The following CHST9 variants were observed in gnomAD, a reference collection of about 807,000 sequenced individuals.
CHST9 encodes GalNAc-4-sulfotransferase 2.
In CHST9, 41 loss-of-function variants were observed where a neutral mutation model predicts 44.4. That is an observed-to-expected ratio of 0.92 (90% CI 0.72 to 1.20). CHST9 has a LOEUF of 1.20. Ranked by LOEUF, CHST9 falls within the 50% of genes most tolerant of loss-of-function variation. The probability of loss-of-function intolerance (pLI) is 0.00; values close to 1 mark genes in which losing one functional copy is unlikely to be tolerated. For synonymous variants in CHST9, 171 were observed against 178.4 expected, an observed-to-expected ratio of 0.96 and a Z score of 0.33; for missense variants, 504 against 516.5, an observed-to-expected ratio of 0.98 and a Z score of 0.23.
chr18:27,170,103 G>A (rs2058822991), intron 1 of CHST9, among the ~76,000 whole-genome samples: 1 of 152,180 alleles, frequency 6.6e-6, no homozygotes, highest in South Asian at 2.1e-4. Flanking sequence ...GAGAGAGAAT[G>A]AGAGGAGAAC....
At chr18:26,926,307 T>C (rs1355406431) in intron 5 of CHST9, among the ~76,000 whole-genome samples, 1 of 152,230 alleles carries the variant, frequency 6.6e-6, no homozygotes. Flanking sequence ...CTTTCCATTT[T>C]TGGATTTAAT....
chr18:27,183,227 G>A (rs901681151), intron 1 of CHST9, among the ~76,000 whole-genome samples: 1 of 152,166 alleles, frequency 6.6e-6, no homozygotes, highest in African/African-American at 2.4e-5. Flanking sequence ...AAGAAGCAGA[G>A]CTTATGGTGT....
rs1000416683 is a variant in CHST9 at position 26,909,432 on chromosome 18, A to G, written c.*6827T>C. ...GTCTGGGAATATGTTTTTAACAAAA[A>G]TTAGGTTAATTCTGATACAGGTCGT... On this transcript the variant is annotated 3_prime_UTR_variant, in exon 6 of 6. Coordinates refer to ENST00000618847, the MANE Select transcript of CHST9 (RefSeq NM_031422.6). 6.6e-6 allele frequency: 1 copy of G among 152,194 alleles called. No individual in the cohort carries two copies. Among genetic ancestry groups the G allele is most frequent in the Non-Finnish European group, 1.5e-5 (1 of 68,036 alleles). The allele number at this position is 152,194 out of a possible 1,614,324, so 9.4% of individuals were successfully genotyped here. A position where few individuals can be genotyped will look rare whatever the true frequency, so the allele number is the denominator to read the frequency against.
intron 2 of CHST9, among the ~76,000 whole-genome samples, chr18:27,129,572 T>C (rs892551655): frequency 1.3e-5 from 2 of 151,986 alleles, no homozygotes; most frequent in Admixed American, 6.6e-5. Context: ...TTTGTATTTT[T>C]AGTAGAGATG....
intron 2 of CHST9, among the ~76,000 whole-genome samples, chr18:27,053,138 A>AAGAAGAAGAAGAAGG (rs2057591480): frequency 9.1e-6 from 1 of 109,368 alleles, no homozygotes; most frequent in African/African-American, 3.7e-5. Flanking sequence ...GAGGAAGAAG[A>AAGAAGAAGAAGAAGG]AGAAGAAGAA....
chr18:27,087,853 G>A (rs145748554), intron 2 of CHST9, among the ~76,000 whole-genome samples: 152 of 152,238 alleles, frequency 1.0e-3, no homozygotes, highest in African/African-American at 3.4e-3. Context: ...AGCTTCTCCC[G>A]TACACTTGTT....
chr18:26,952,877 T>C (rs1039899166), intron 4 of CHST9, among the ~76,000 whole-genome samples: 1 of 151,992 alleles, frequency 6.6e-6, no homozygotes, highest in African/African-American at 2.4e-5. Context: ...TCCTGAGAAG[T>C]GTTTTCATAG....
Position 26,912,726 on chromosome 18 carries a change from C to G in CHST9, c.*3533G>C, listed in dbSNP as rs1267718659. ...AGATTAAATTAATGCATGTAAACTACTTGAAGAGTGCCTGACACCCAGTAA... is the reference window on the plus strand; with the variant it reads ...AGATTAAATTAATGCATGTAAACTAGTTGAAGAGTGCCTGACACCCAGTAA... On this transcript the variant is annotated 3_prime_UTR_variant, in exon 6 of 6. Transcript: ENST00000618847. The G allele has an allele frequency of 6.6e-6, 1 of 152,180 alleles. No individual in the cohort carries two copies. Among genetic ancestry groups the G allele is most frequent in the Non-Finnish European group, 1.5e-5 (1 of 68,030 alleles). The allele number at this position is 152,180 out of a possible 1,614,324, so 9.4% of individuals were successfully genotyped here. A position where few individuals can be genotyped will look rare whatever the true frequency, so the allele number is the denominator to read the frequency against.
At chr18:27,136,700 C>T (rs576280022) in intron 2 of CHST9, among the ~76,000 whole-genome samples, 1 of 152,254 alleles carries the variant, frequency 6.6e-6, no homozygotes, top group East Asian at 1.9e-4. Flanking sequence ...ATAACGCTTC[C>T]ATTCTTGTCT....
chr18:26,936,970 T>C (rs556329702), intron 5 of CHST9, among the ~76,000 whole-genome samples: 8 of 152,316 alleles, frequency 5.3e-5, no homozygotes, highest in Non-Finnish European at 8.8e-5. Context: ...ATGACACTGT[T>C]ATTACTAACA....
intron 5 of CHST9, among the ~76,000 whole-genome samples, chr18:26,925,087 T>C (rs1040040494): frequency 5.9e-5 from 9 of 151,888 alleles, no homozygotes; most frequent in African/African-American, 2.2e-4. Flanking sequence ...AAAGTTATAC[T>C]TATGGGAGGT....
At chr18:27,023,999 C>A in intron 4 of CHST9, 117 bp downstream of exon 4, 1 of 963,898 alleles carries the variant, frequency 1.0e-6, no homozygotes, top group South Asian at 1.5e-5. Flanking sequence ...CTAGGGATGG[C>A]TATCATCAGC....
intron 1 of CHST9, among the ~76,000 whole-genome samples, chr18:27,163,781 C>T (rs1182423892): frequency 6.6e-6 from 1 of 152,120 alleles, no homozygotes; most frequent in Non-Finnish European, 1.5e-5. Flanking sequence ...CCATGCCTCA[C>T]CCTGCTTCGG....
intron 4 of CHST9, among the ~76,000 whole-genome samples, chr18:26,957,261 T>C (rs1036873852): frequency 2.0e-5 from 3 of 152,180 alleles, no homozygotes; most frequent in Admixed American, 6.5e-5. Flanking sequence ...GAGCTCAGAA[T>C]GCTCTCTCAC....
chr18:27,129,090 G>C (rs750570338), intron 2 of CHST9, among the ~76,000 whole-genome samples: 1 of 151,314 alleles, frequency 6.6e-6, no homozygotes, highest in Admixed American at 6.6e-5. Flanking sequence ...AGAAATAGTA[G>C]AGGAAAGTGA....
chr18:26,937,320 C>T (rs907413619), intron 5 of CHST9, among the ~76,000 whole-genome samples: 5 of 152,130 alleles, frequency 3.3e-5, no homozygotes, highest in Admixed American at 3.3e-4. Flanking sequence ...GGTTAAAACA[C>T]TTTGAAAAAA....
At chr18:27,090,533 C>A (rs940970090) in intron 2 of CHST9, among the ~76,000 whole-genome samples, 1 of 152,160 alleles carries the variant, frequency 6.6e-6, no homozygotes, top group Non-Finnish European at 1.5e-5. Context: ...TGCCTATGTC[C>A]TGAATGGTAT....
At chr18:26,978,093 T>A (rs1337947078) in intron 4 of CHST9, among the ~76,000 whole-genome samples, 1 of 151,924 alleles carries the variant, frequency 6.6e-6, no homozygotes, top group East Asian at 1.9e-4. Context: ...CCTGTGGTTT[T>A]TTTTTTTCTC....
rs759016541 is a variant in CHST9, at chr18:26,907,818, T to G, written c.*8441A>C. 1.2e-5 allele frequency: 2 copies of G among 165,308 alleles called. No homozygotes were observed. Among genetic ancestry groups the G allele is most frequent in the Non-Finnish European group, 2.6e-5 (2 of 76,856 alleles). The allele number at this position is 165,308 out of a possible 1,614,324, so 10.2% of individuals were successfully genotyped here. On this transcript the variant is annotated 3_prime_UTR_variant, in exon 6 of 6. Transcript: ENST00000618847. Reference sequence around the variant, plus strand: ...GCCAGGCAATGAGAATGGAATACAATTCAGCCTTGAAAAGAAAAAAATTCT... The same window carrying G: ...GCCAGGCAATGAGAATGGAATACAAGTCAGCCTTGAAAAGAAAAAAATTCT...
Sources: allele counts gnomAD v4.1 joint callset (sites outside exome capture counted in the v4.1 genomes callset), GRCh38; gene constraint gnomAD v4.1.1; transcripts MANE v1.5; gene names NCBI Gene and HGNC (gene_info 2026-07-23, HGNC 2026-07-21).